Variants in PI4K2A observed in about 807,000 individuals in gnomAD.
PI4K2A encodes phosphatidylinositol 4-kinase type 2 alpha, also known as phosphatidylinositol 4-kinase type 2-alpha.
Under a neutral mutation model 55.0 loss-of-function variants are expected in PI4K2A, and 20 were observed. The ratio of observed to expected loss-of-function variants is 0.36; its 90% CI spans 0.26 to 0.53. The LOEUF (loss-of-function observed/expected upper bound fraction) is 0.53, where lower values mean the gene tolerates loss of function less well. PI4K2A is among the 20% of genes least tolerant of loss of function. PI4K2A has a pLI of 0.91. For synonymous variants in PI4K2A, 235 were observed against 258.5 expected, an observed-to-expected ratio of 0.91 and a Z score of 0.87; for missense variants, 463 against 637.1, an observed-to-expected ratio of 0.73 and a Z score of 2.94.
chr10:97,666,607 G>T, intron 7 of PI4K2A, 36 bp downstream of exon 7: 1 of 1,553,504 alleles, frequency 6.4e-7, no homozygotes. Flanking sequence ...TTATCATATG[G>T]GAGAAGGAAT....
chr10:97,652,167 A>G (rs1349020740), intron 2 of PI4K2A, among the ~76,000 whole-genome samples: 1 of 152,172 alleles, frequency 6.6e-6, no homozygotes, highest in Non-Finnish European at 1.5e-5. Flanking sequence ...CTTTCCAGAA[A>G]AAGTACATAT....
chr10:97,651,946 G>C lies in PI4K2A; in HGVS notation c.636+805G>C, dbSNP rs140558864. Among the ~76,000 whole-genome samples the C allele has an allele frequency of 4.1e-4, 62 of 152,280 alleles. 2 individuals carry two copies. Among genetic ancestry groups the C allele is most frequent in the East Asian group, 1.2e-3 (6 of 5,186 alleles). ...CATGTCCGGACACATCATTCACTGA[G>C]TACGTGGCTACCTGGGGTTTAGTAA... On this transcript the variant is annotated intron_variant, in intron 2 of 8. Transcript: ENST00000370631.
exon 9 of PI4K2A, chr10:97,673,946 G>A: frequency 1.8e-6 from 1 of 552,632 alleles, no homozygotes; most frequent in East Asian, 2.9e-5. Context: ...TCTGATGTGG[G>A]GGAGGCTGGA....
intron 1 of PI4K2A, among the ~76,000 whole-genome samples, chr10:97,644,405 G>T (rs1229086687): frequency 1.3e-5 from 2 of 152,118 alleles, no homozygotes; most frequent in African/African-American, 4.8e-5. Flanking sequence ...TACTATATTG[G>T]TTAGTATTGA....
intron 2 of PI4K2A, among the ~76,000 whole-genome samples, chr10:97,652,056 C>T (rs1030157274): frequency 3.3e-5 from 5 of 152,022 alleles, no homozygotes; most frequent in African/African-American, 1.2e-4. Flanking sequence ...CTTAACTAGT[C>T]TATGCTAGTT....
At chr10:97,651,241 AT>A (rs1335425811) in intron 2 of PI4K2A, 100 bp downstream of exon 2, 3 of 807,678 alleles carry the variant, frequency 3.7e-6, no homozygotes, top group Non-Finnish European at 6.2e-6. Flanking sequence ...CAGTGGGGTC[AT>A]TTATACCCTA....
At chr10:97,642,858 T>C (rs1263555408) in intron 1 of PI4K2A, among the ~76,000 whole-genome samples, 1,045 of 13,508 alleles carry the variant, frequency 0.077, 104 homozygotes, top group East Asian at 0.11. Flanking sequence ...TTCCTTTCTT[T>C]CTTTCTTTTT....
intron 6 of PI4K2A, among the ~76,000 whole-genome samples, chr10:97,666,026 G>C (rs1475146797): frequency 6.6e-6 from 1 of 151,812 alleles, no homozygotes; most frequent in African/African-American, 2.4e-5. Context: ...CTTCCTATCA[G>C]TGTTCTGTCT....
At chr10:97,644,805 C>T (rs1360681328) in intron 1 of PI4K2A, among the ~76,000 whole-genome samples, 51 of 151,796 alleles carry the variant, frequency 3.4e-4, no homozygotes, top group East Asian at 1.9e-4. Flanking sequence ...TTTCTTTTTT[C>T]GCCCAGGTAA....
chr10:97,652,607 A>T (rs189147338), intron 2 of PI4K2A, among the ~76,000 whole-genome samples: 6 of 152,152 alleles, frequency 3.9e-5, no homozygotes, highest in Non-Finnish European at 1.5e-5. Flanking sequence ...AGCCTTAAAG[A>T]TGTCTTCTCA....
Position 97,659,473 on chromosome 10 carries a change from C to CTT in PI4K2A, c.922+2509_922+2510dup, listed in dbSNP as rs77191916. ...TCTATGAACAGACATAATTTTCCCT[C>CTT]TTTTTTTTTTTCCAATTTGGGTGCT... On this transcript the variant is annotated intron_variant, in intron 4 of 8. Transcript: ENST00000370631. 9.3e-3 allele frequency among the ~76,000 whole-genome samples: 1,372 copies of CTT among 146,864 alleles called. 26 individuals carry two copies. The highest frequency in any genetic ancestry group is 0.028 in the African/African-American group (1,134 of 40,134).
At position 97,642,546 on chromosome 10, in the gene PI4K2A, G is replaced by A. The variant is rs189758200; in HGVS notation, c.435+1369G>A. The stretch of plus-strand genomic sequence containing the variant: ...CTCCTGAGTGGCTGGGACTACAGGC[G>A]TGCACCACCACACCCAGCTAATTTT... On this transcript the variant is annotated intron_variant, in intron 1 of 8. Coordinates refer to ENST00000370631, the Ensembl canonical transcript of PI4K2A. Among the ~76,000 whole-genome samples the A allele has an allele frequency of 2.0e-4, 31 of 151,576 alleles. No homozygotes were observed. The East Asian group carries it at 5.1e-3, about 25-fold the overall frequency.
chr10:97,669,766 A>G (rs1232568097), intron 8 of PI4K2A, among the ~76,000 whole-genome samples: 1 of 152,186 alleles, frequency 6.6e-6, no homozygotes, highest in East Asian at 1.9e-4. Context: ...CTGTAGTACA[A>G]GGGCCCTGAG....
Position 97,656,468 on chromosome 10 carries a change from C to A in PI4K2A, c.768+52C>A. ...GGGTCATGATTTATAGTGACATAGTCATCCAAGTGGTGAAGCAAGGTGCCT... is the reference window on the plus strand; with the variant it reads ...GGGTCATGATTTATAGTGACATAGTAATCCAAGTGGTGAAGCAAGGTGCCT... On this transcript the variant is annotated intron_variant, in intron 3 of 8. Coordinates refer to ENST00000370631, the Ensembl canonical transcript of PI4K2A. This position sits in a 1 kb window ranked among gnomAD's most constrained non-coding sequence, Gnocchi z 4.5. 1 of 1,574,802 alleles carries A rather than the reference C, an allele frequency of 6.3e-7. No homozygotes were observed. The highest frequency in any genetic ancestry group is 1.1e-5 in the South Asian group (1 of 89,770).
At chr10:97,661,233 C>T (rs547366982) in intron 4 of PI4K2A, among the ~76,000 whole-genome samples, 331 of 151,890 alleles carry the variant, frequency 2.2e-3, no homozygotes, top group African/African-American at 7.6e-3. Flanking sequence ...CCTCGTGATC[C>T]GCCCACCTCG....
At chr10:97,666,956 G>T (rs1589938100) in intron 7 of PI4K2A, 105 bp from the exon 8 acceptor site, 1 of 811,456 alleles carries the variant, frequency 1.2e-6, no homozygotes, top group East Asian at 2.5e-5. Flanking sequence ...AGCTGCAGAA[G>T]CCTTATGCAG....
chr10:97,649,070 A>G (rs1274104071), intron 1 of PI4K2A, among the ~76,000 whole-genome samples: 1 of 152,182 alleles, frequency 6.6e-6, no homozygotes, highest in Admixed American at 6.5e-5. Context: ...AGTTCCTAAT[A>G]TGAGTACTGA....
At chr10:97,658,679 A>G (rs1017722634) in intron 4 of PI4K2A, among the ~76,000 whole-genome samples, 2 of 152,114 alleles carry the variant, frequency 1.3e-5, no homozygotes, top group African/African-American at 2.4e-5. Flanking sequence ...GTTCCTTCCA[A>G]TTTCTCACCA....
At chr10:97,668,283 T>C (rs1208000276) in intron 8 of PI4K2A, among the ~76,000 whole-genome samples, 1 of 152,094 alleles carries the variant, frequency 6.6e-6, no homozygotes, top group Non-Finnish European at 1.5e-5. Flanking sequence ...GTGGGATCAA[T>C]AATAGTAGCT....
Sources: gnomAD v4.1 joint callset for allele counts (sites outside exome capture counted in the v4.1 genomes callset) on GRCh38, gnomAD v4.1.1 for gene constraint, Gnocchi (gnomAD v3.1) non-coding constraint, MANE v1.5 for transcripts, NCBI Gene and HGNC (gene_info 2026-07-23, HGNC 2026-07-21) for gene names.